The following FHIT variants were observed in gnomAD, a reference collection of about 807,000 sequenced individuals.
The protein encoded by FHIT is fragile histidine triad diadenosine triphosphatase.
In FHIT, 19 loss-of-function variants were observed where a neutral mutation model predicts 17.9. That is an observed-to-expected ratio of 1.06 (90% CI 0.74 to 1.56). The LOEUF is 1.56. FHIT is among the 40% of genes most tolerant of loss of function. FHIT has a pLI of 0.00. For missense variants in FHIT, 248 were observed against 189.2 expected (o/e 1.31, Z -1.82); for synonymous variants, 81 against 69.7 (o/e 1.16, Z -0.81).
chr3:60,687,466 C>T (rs182234764), intron 4 of FHIT, among the ~76,000 whole-genome samples: 1 of 152,124 alleles, frequency 6.6e-6, no homozygotes, highest in East Asian at 1.9e-4. Context: ...TTCCAAGCTA[C>T]TGATTTTTGC....
intron 2 of FHIT, among the ~76,000 whole-genome samples, chr3:61,112,961 T>G (rs950819704): frequency 3.3e-5 from 5 of 152,128 alleles, no homozygotes; most frequent in Middle Eastern, 6.8e-3. Context: ...TGTGTTTAGA[T>G]GTCTTCATTC....
At chr3:60,327,656 A>C (rs995290067) in intron 5 of FHIT, among the ~76,000 whole-genome samples, 1 of 152,118 alleles carries the variant, frequency 6.6e-6, no homozygotes, top group African/African-American at 2.4e-5. Flanking sequence ...AACAAAGAAG[A>C]CTCTCATAAA....
Position 60,912,864 on chromosome 3 carries a change from A to T in FHIT, c.-110-90853T>A, listed in dbSNP as rs561257598. 16 of 480,142 alleles carry T rather than the reference A, an allele frequency of 3.3e-5. No individual in the cohort carries two copies. The East Asian group carries it at 9.0e-4, about 27-fold the overall frequency. The allele number at this position is 480,142 out of a possible 1,614,324, so 29.7% of individuals were successfully genotyped here. A position where few individuals can be genotyped will look rare whatever the true frequency, so the allele number is the denominator to read the frequency against. The stretch of plus-strand genomic sequence containing the variant: ...AGGTCACATTTTAATCACCCCTTTG[A>T]GTCACTCATCACTGGGTACTTCCAT... On this transcript the variant is annotated intron_variant, in intron 3 of 9. Transcript: ENST00000492590.
chr3:61,135,097 G>A (rs946773684), intron 2 of FHIT, among the ~76,000 whole-genome samples: 1 of 152,178 alleles, frequency 6.6e-6, no homozygotes, highest in African/African-American at 2.4e-5. Flanking sequence ...CAGAGGGACT[G>A]TGAAAATGGC....
intron 5 of FHIT, among the ~76,000 whole-genome samples, chr3:60,337,549 A>G (rs977279492): frequency 2.6e-5 from 4 of 152,202 alleles, no homozygotes; most frequent in Non-Finnish European, 5.9e-5. Flanking sequence ...ACACATACAA[A>G]TAAGCATAAC....
chr3:60,208,355 T>G (rs1447545289), intron 5 of FHIT, among the ~76,000 whole-genome samples: 1 of 151,152 alleles, frequency 6.6e-6, no homozygotes, highest in Non-Finnish European at 1.5e-5. Context: ...GTAGGCAAAG[T>G]GTACTCTGAA....
chr3:60,210,771 C>G, intron 5 of FHIT, among the ~76,000 whole-genome samples: 1 of 152,150 alleles, frequency 6.6e-6, no homozygotes, highest in Admixed American at 6.5e-5. Flanking sequence ...ACTTAGGGAA[C>G]TAGGAATTCT....
intron 7 of FHIT, among the ~76,000 whole-genome samples, chr3:59,947,197 T>C (rs373444834): frequency 4.6e-5 from 7 of 152,200 alleles, no homozygotes; most frequent in African/African-American, 1.7e-4. Context: ...GGAAATGTTA[T>C]TGGTCTGTCC....
intron 4 of FHIT, among the ~76,000 whole-genome samples, chr3:60,623,150 C>T (rs1553679409): frequency 6.6e-6 from 1 of 152,194 alleles, no homozygotes; most frequent in Non-Finnish European, 1.5e-5. Flanking sequence ...CAAGTAATCA[C>T]TAGTCTGTTA....
chr3:60,774,243 T>A (rs1700141840), intron 4 of FHIT, among the ~76,000 whole-genome samples: 1 of 152,130 alleles, frequency 6.6e-6, no homozygotes, highest in Admixed American at 6.5e-5. Flanking sequence ...TCCTGTATAG[T>A]CCTAAACCCT....
At position 60,993,219 on chromosome 3, in the gene FHIT, A is replaced by G. The variant is rs548168917; in HGVS notation, c.-111+48828T>C. On this transcript the variant is annotated intron_variant, in intron 3 of 9. Transcript: ENST00000492590. ...GAAAAACACTATCAAATAATAAAAC[A>G]ATTCAGGACCAGTTTTCACAAAGTA... 1.0e-3 allele frequency among the ~76,000 whole-genome samples: 157 copies of G among 152,324 alleles called. 1 individual carries two copies. Among genetic ancestry groups the G allele is most frequent in the African/African-American group, 3.7e-3 (153 of 41,566 alleles).
chr3:60,657,111 G>A (rs1005668409), intron 4 of FHIT, among the ~76,000 whole-genome samples: 4 of 152,148 alleles, frequency 2.6e-5, no homozygotes, highest in Non-Finnish European at 4.4e-5. Flanking sequence ...CATGCCACGG[G>A]AGGATATGAA....
chr3:60,269,621 C>G (rs771688400), intron 5 of FHIT, among the ~76,000 whole-genome samples: 4 of 152,164 alleles, frequency 2.6e-5, no homozygotes, highest in African/African-American at 4.8e-5. Context: ...GGTAGGCAGT[C>G]TTTTATCTAT....
At chr3:60,081,077 C>A (rs1442307222) in intron 5 of FHIT, among the ~76,000 whole-genome samples, 1 of 152,004 alleles carries the variant, frequency 6.6e-6, no homozygotes, top group Non-Finnish European at 1.5e-5. Flanking sequence ...GAGAAATAGA[C>A]AGGGAGATGG....
chr3:60,416,809 G>T (rs368243020), intron 5 of FHIT, among the ~76,000 whole-genome samples: 2 of 152,052 alleles, frequency 1.3e-5, no homozygotes, highest in African/African-American at 4.8e-5. Flanking sequence ...AGAACAGGCC[G>T]GGTGCGGCAG....
chr3:60,455,915 A>T (rs1383946632), intron 5 of FHIT, among the ~76,000 whole-genome samples: 1 of 152,216 alleles, frequency 6.6e-6, no homozygotes, highest in East Asian at 1.9e-4. Flanking sequence ...TTAGAAAAAT[A>T]TGTTCACCAA....
At chr3:60,460,074 CCT>C (rs2032361914) in intron 5 of FHIT, among the ~76,000 whole-genome samples, 1 of 152,160 alleles carries the variant, frequency 6.6e-6, no homozygotes, top group South Asian at 2.1e-4. Flanking sequence ...TCTCCACAAC[CCT>C]CTTTTCAGAA....
intron 8 of FHIT, among the ~76,000 whole-genome samples, chr3:59,806,050 G>A (rs572761395): frequency 5.3e-5 from 8 of 152,044 alleles, no homozygotes; most frequent in African/African-American, 1.2e-4. Context: ...GTGTGGTGGC[G>A]GGCGCCTGTA....
chr3:60,312,802 C>T (rs1576460105), intron 5 of FHIT, among the ~76,000 whole-genome samples: 2 of 152,088 alleles, frequency 1.3e-5, no homozygotes, highest in East Asian at 1.9e-4. Flanking sequence ...AATTTTTTTG[C>T]TAACAATTTG....
Sources: gnomAD v4.1 joint callset for allele counts (sites outside exome capture counted in the v4.1 genomes callset) on GRCh38, gnomAD v4.1.1 for gene constraint, MANE v1.5 for transcripts, NCBI Gene and HGNC (gene_info 2026-07-23, HGNC 2026-07-21) for gene names.